The following KIAA1671 variants were observed in gnomAD, a reference collection of about 807,000 sequenced individuals.
The protein encoded by KIAA1671 is uncharacterized protein KIAA1671.
In KIAA1671, 52 loss-of-function variants were observed where a neutral mutation model predicts 131.2. That is an observed-to-expected ratio of 0.40 (90% CI 0.32 to 0.50). The LOEUF (loss-of-function observed/expected upper bound fraction) is 0.50. KIAA1671 is among the 20% of genes least tolerant of loss of function. The pLI is 0.73. For missense variants in KIAA1671, 2,360 were observed against 2,364.2 expected (o/e 1.00, Z 0.04); for synonymous variants, 1,003 against 961.6 (o/e 1.04, Z -0.80).
At chr22:25,167,673 T>C (rs1283158144) in intron 6 of KIAA1671, among the ~76,000 whole-genome samples, 4 of 152,242 alleles carry the variant, frequency 2.6e-5, no homozygotes, top group African/African-American at 9.6e-5. Flanking sequence ...CAGAAAAGCT[T>C]CTACAGACAG....
chr22:24,980,778 C>T (rs1602041985), intron 1 of KIAA1671, among the ~76,000 whole-genome samples: 3 of 151,422 alleles, frequency 2.0e-5, no homozygotes, highest in South Asian at 4.2e-4. Context: ...TGGAGTCTTG[C>T]TCTTGTCACC....
At chr22:25,158,141 A>G (rs1452788295) in intron 6 of KIAA1671, among the ~76,000 whole-genome samples, 4 of 152,366 alleles carry the variant, frequency 2.6e-5, no homozygotes, top group Non-Finnish European at 5.9e-5. Context: ...TTTATAAAAA[A>G]CAATTTGTTT....
At chr22:24,965,912 T>G (rs1286058508) in intron 1 of KIAA1671, among the ~76,000 whole-genome samples, 3 of 152,206 alleles carry the variant, frequency 2.0e-5, no homozygotes, top group African/African-American at 7.2e-5. Context: ...ACTGATTCAC[T>G]GCTTCTTATA....
At chr22:25,064,771 T>A (rs1928371167) in intron 6 of KIAA1671, 1 of 152,218 alleles carries the variant, frequency 6.6e-6, no homozygotes, top group South Asian at 2.1e-4. Context: ...GATCTAAAGA[T>A]GATTTCATTG....
intron 1 of KIAA1671, among the ~76,000 whole-genome samples, chr22:25,004,024 G>A (rs1924611215): frequency 6.7e-6 from 1 of 149,892 alleles, no homozygotes; most frequent in Non-Finnish European, 1.5e-5. Flanking sequence ...TCACCATGTT[G>A]GCCAGGCTGG....
At chr22:25,156,328 A>G (rs1933241547) in intron 6 of KIAA1671, among the ~76,000 whole-genome samples, 1 of 151,400 alleles carries the variant, frequency 6.6e-6, no homozygotes, top group Non-Finnish European at 1.5e-5. Context: ...CCTGGCCTGT[A>G]TGTGCTTTTT....
chr22:24,993,085 C>G (rs760252822), intron 1 of KIAA1671, among the ~76,000 whole-genome samples: 17 of 151,980 alleles, frequency 1.1e-4, no homozygotes, highest in Non-Finnish European at 2.2e-4. Flanking sequence ...TCTGCCTTTC[C>G]CTCTAATCTG....
chr22:25,068,990 C>G (rs1928659683), intron 6 of KIAA1671, among the ~76,000 whole-genome samples: 1 of 147,970 alleles, frequency 6.8e-6, no homozygotes, highest in African/African-American at 2.6e-5. Flanking sequence ...TGTCTTGCAT[C>G]CGGCGCTCAC....
At chr22:25,150,365 A>T (rs1344019814) in intron 6 of KIAA1671, among the ~76,000 whole-genome samples, 1 of 152,172 alleles carries the variant, frequency 6.6e-6, no homozygotes, top group Non-Finnish European at 1.5e-5. Flanking sequence ...CAGAGGGGGA[A>T]ACTGAGGTCC....
At chr22:25,012,375 T>C (rs738329) in intron 1 of KIAA1671, 105,855 of 151,654 alleles carry the variant, frequency 0.7, 38,249 homozygotes, top group African/African-American at 0.9. Flanking sequence ...CCAGTTCAAG[T>C]GATTCTCCTG....
chr22:25,055,920 C>G (rs1343470112), intron 6 of KIAA1671: 6 of 149,616 alleles, frequency 4.0e-5, no homozygotes, highest in African/African-American at 1.5e-4. Context: ...GTGCCGGTGG[C>G]ATGATCTCGG....
At chr22:25,179,533 C>T in intron 9 of KIAA1671, 15 of 1,600,778 alleles carry the variant, frequency 9.4e-6, no homozygotes, top group South Asian at 5.6e-5. Flanking sequence ...CCACCAGCTG[C>T]TTCAGCACCT....
intron 6 of KIAA1671, chr22:25,052,864 G>C (rs1927614096): frequency 6.6e-6 from 1 of 152,056 alleles, no homozygotes; most frequent in African/African-American, 2.4e-5. Flanking sequence ...CTACAGGCGT[G>C]CACCACCACA....
chr22:25,135,449 G>A (rs1416525620), intron 6 of KIAA1671, among the ~76,000 whole-genome samples: 2 of 152,206 alleles, frequency 1.3e-5, no homozygotes, highest in Non-Finnish European at 2.9e-5. Context: ...GTCTCCCAAA[G>A]TGCTGGGATT....
chr22:25,039,670 C>T lies in KIAA1671; in HGVS notation c.2540C>T (p.Thr847Ile). The change falls in exon 5 of 13, where the codon ACC becomes ATC. Residue 847 changes from threonine (T) to isoleucine (I), a missense_variant. Coordinates refer to ENST00000358431, the MANE Select transcript of KIAA1671 (RefSeq NM_001145206.2). ...GAAGAGCACTGTGCTCCCGGGGCCA[C>T]CTCCGTCAGGGCTATCAAGGCTGCC... ...VSEEHCAPGA[T>I]SVRAIKAAIW... 1.3e-6 allele frequency: 2 copies of T among 1,530,524 alleles called. No homozygotes were observed. Among genetic ancestry groups the T allele is most frequent in the South Asian group, 1.2e-5 (1 of 80,864 alleles). 94.8% of individuals were successfully genotyped at this position (1,530,524 alleles called of 1,614,324 possible). A position where few individuals can be genotyped will look rare whatever the true frequency, so the allele number is the denominator to read the frequency against.
At chr22:25,159,040 C>T (rs1601367537) in intron 6 of KIAA1671, among the ~76,000 whole-genome samples, 1 of 152,148 alleles carries the variant, frequency 6.6e-6, no homozygotes, top group Non-Finnish European at 1.5e-5. Context: ...ACACCCACAG[C>T]GCAGGCTCTA....
chr22:25,084,956 G>A (rs996706523), intron 6 of KIAA1671, among the ~76,000 whole-genome samples: 4 of 152,210 alleles, frequency 2.6e-5, no homozygotes, highest in Non-Finnish European at 5.9e-5. Flanking sequence ...GAGTGTTGTG[G>A]CAAAGAAGGC....
rs140864805 is a variant in KIAA1671 at position 24,955,737 on chromosome 22, G to C, written c.-208+2965G>C. On this transcript the variant is annotated intron_variant, in intron 1 of 12. Transcript: ENST00000358431. ...GTAAGCAGGCTGCTAGAAAAATCCAGGTGAGAGGCCAGGCGCGGTGGCTCA... is the reference window on the plus strand; with the variant it reads ...GTAAGCAGGCTGCTAGAAAAATCCACGTGAGAGGCCAGGCGCGGTGGCTCA... Among the ~76,000 whole-genome samples, 409 of 152,178 alleles carry C rather than the reference G, an allele frequency of 2.7e-3. 1 individual carries two copies. Among genetic ancestry groups the C allele is most frequent in the Non-Finnish European group, 4.1e-3 (282 of 67,994 alleles).
chr22:25,135,887 A>G (rs1482954554), intron 6 of KIAA1671, among the ~76,000 whole-genome samples: 3 of 152,252 alleles, frequency 2.0e-5, no homozygotes, highest in Admixed American at 1.3e-4. Flanking sequence ...GCACTGTGCT[A>G]AATGCTTCAA....
Sources: allele counts gnomAD v4.1 joint callset (sites outside exome capture counted in the v4.1 genomes callset), GRCh38; gene constraint gnomAD v4.1.1; transcripts MANE v1.5; gene names NCBI Gene and HGNC (gene_info 2026-07-23, HGNC 2026-07-21).